Variants in NLGN4X observed in about 807,000 individuals in gnomAD.
NLGN4X encodes the protein neuroligin-4, X-linked.
NLGN4X carries 3 observed loss-of-function variants against 40.3 expected under a neutral mutation model. The observed-to-expected ratio is 0.07, with a 90% confidence interval of 0.03 to 0.19. NLGN4X has a LOEUF of 0.19. Ranked by LOEUF, NLGN4X falls within the 10% of genes least tolerant of loss-of-function variation. The pLI is 1.00. For synonymous variants in NLGN4X, 270 were observed against 306.8 expected (o/e 0.88, Z 1.25); for missense variants, 382 against 708.3 (o/e 0.54, Z 5.23).
At chrX:6,141,139 T>G (rs1018350395) in intron 2 of NLGN4X, among the ~76,000 whole-genome samples, 35 of 111,524 alleles carry the variant, frequency 3.1e-4, no homozygotes, top group African/African-American at 1.0e-3. Flanking sequence ...AGCTCACAAC[T>G]TCTCGATTTC....
chrX:6,140,556 A>G (rs768071336), intron 2 of NLGN4X, among the ~76,000 whole-genome samples: 4 of 109,602 alleles, frequency 3.6e-5, no homozygotes, highest in Non-Finnish European at 7.6e-5. Context: ...CAGATACGTA[A>G]AGTCTAACAA....
chrX:6,204,683 A>T (rs1411934051), intron 1 of NLGN4X, among the ~76,000 whole-genome samples: 1 of 111,419 alleles, frequency 9.0e-6, no homozygotes, highest in Non-Finnish European at 1.9e-5. Context: ...CAACTGGGGA[A>T]TTATGGGTCC....
chrX:6,086,562 T>C (rs145131000), intron 2 of NLGN4X, among the ~76,000 whole-genome samples: 250 of 112,108 alleles, frequency 2.2e-3, no homozygotes, highest in African/African-American at 7.4e-3. Context: ...TCCATCAATC[T>C]TTCTCCCCAG....
At chrX:6,021,047 TCCCTCCCTCCCTCC>T (rs2036529362) in intron 3 of NLGN4X, among the ~76,000 whole-genome samples, 2 of 24,191 alleles carry the variant, frequency 8.3e-5, no homozygotes, top group Non-Finnish European at 1.3e-4. Context: ...TCTCTCTCTC[TCCCTCCCTCCCTCC>T]CTCCCTCCCT....
At chrX:6,123,717 G>GGAAAA (rs200717890) in intron 2 of NLGN4X, among the ~76,000 whole-genome samples, 13,275 of 107,233 alleles carry the variant, frequency 0.12, 935 homozygotes, top group African/African-American at 0.26. Flanking sequence ...GCATAAAATG[G>GGAAAA]GAAGAGGGAA....
At position 6,206,191 on chromosome X, in the gene NLGN4X, G is replaced by A. The variant is rs1311818045; in HGVS notation, c.-306+22350C>T. On this transcript the variant is annotated intron_variant, in intron 1 of 5. Transcript: ENST00000381095. ...GTGGAGTCTCTAAAATCCTCATGACGATGTGAAAGTGATTCTGGAAGACAA... is the reference window on the plus strand; with the variant it reads ...GTGGAGTCTCTAAAATCCTCATGACAATGTGAAAGTGATTCTGGAAGACAA... Among the ~76,000 whole-genome samples, 4 of 111,339 alleles carry A rather than the reference G, an allele frequency of 3.6e-5. No homozygotes were observed. The East Asian group carries it at 1.1e-3, about 32-fold the overall frequency.
intron 3 of NLGN4X, among the ~76,000 whole-genome samples, chrX:5,943,054 GA>G (rs1345543371): frequency 5.4e-5 from 6 of 111,648 alleles, no homozygotes; most frequent in Admixed American, 3.8e-4. Flanking sequence ...CCATGATACT[GA>G]GAAGCAGGAA....
At chrX:5,938,310 G>C (rs1176247785) in intron 3 of NLGN4X, among the ~76,000 whole-genome samples, 1 of 110,973 alleles carries the variant, frequency 9.0e-6, no homozygotes, top group Non-Finnish European at 1.9e-5. Flanking sequence ...TTATGATCAA[G>C]GGATTATATT....
intron 2 of NLGN4X, among the ~76,000 whole-genome samples, chrX:6,135,853 G>C (rs2039806346): frequency 9.0e-6 from 1 of 111,635 alleles, no homozygotes; most frequent in African/African-American, 3.2e-5. Context: ...TTAGACCTGA[G>C]GACACCATTT....
At chrX:5,973,258 C>T (rs921972157) in intron 3 of NLGN4X, among the ~76,000 whole-genome samples, 8 of 112,455 alleles carry the variant, frequency 7.1e-5, no homozygotes, top group African/African-American at 1.9e-4. Context: ...AAGAGAGCCA[C>T]ACCACTCATG....
chrX:5,914,952 T>A (rs1275868641), intron 3 of NLGN4X, among the ~76,000 whole-genome samples: 1 of 112,494 alleles, frequency 8.9e-6, no homozygotes, highest in East Asian at 2.8e-4. Context: ...ACTGAAAACA[T>A]GTAGGATTTA....
At chrX:6,038,444 A>G (rs1169989280) in intron 2 of NLGN4X, among the ~76,000 whole-genome samples, 4 of 112,698 alleles carry the variant, frequency 3.5e-5, no homozygotes, top group Non-Finnish European at 7.5e-5. Flanking sequence ...AATATATTTG[A>G]GCCTCCACTT....
chrX:5,968,689 T>A (rs2034919089), intron 3 of NLGN4X, among the ~76,000 whole-genome samples: 1 of 107,898 alleles, frequency 9.3e-6, no homozygotes, highest in Non-Finnish European at 1.9e-5. Context: ...ATGACATAGT[T>A]TTTCTGGACC....
chrX:5,960,418 A>AT (rs1473110582), intron 3 of NLGN4X, among the ~76,000 whole-genome samples: 1 of 111,613 alleles, frequency 9.0e-6, no homozygotes, highest in East Asian at 2.8e-4. Context: ...ACATTTCCTT[A>AT]TTTTTAAAAC....
intron 2 of NLGN4X, among the ~76,000 whole-genome samples, chrX:6,122,196 T>C (rs1158361409): frequency 8.9e-6 from 1 of 111,832 alleles, no homozygotes; most frequent in Non-Finnish European, 1.9e-5. Context: ...TTCCCTCCAA[T>C]TTACCCAGAG....
chrX:6,159,808 T>C (rs912392244), intron 1 of NLGN4X, among the ~76,000 whole-genome samples: 2 of 112,314 alleles, frequency 1.8e-5, no homozygotes, highest in African/African-American at 6.5e-5. Context: ...AGGAGCCCAG[T>C]GGGAACAGAA....
At chrX:5,924,436 A>T (rs975309051) in intron 3 of NLGN4X, among the ~76,000 whole-genome samples, 2 of 111,946 alleles carry the variant, frequency 1.8e-5, no homozygotes, top group African/African-American at 6.5e-5. Flanking sequence ...TCTTTATGCA[A>T]AATGCCTTAC....
At chrX:6,048,762 CAT>C (rs772262395) in intron 2 of NLGN4X, among the ~76,000 whole-genome samples, 98 of 107,888 alleles carry the variant, frequency 9.1e-4, no homozygotes, top group Middle Eastern at 4.7e-3. Context: ...CCAAACACCA[CAT>C]GTTCTCACGT....
rs2146675389 is a variant in NLGN4X, at chrX:5,891,312, A to G, written c.*1505T>C. 4.3e-6 allele frequency: 1 copy of G among 233,823 alleles called. No homozygotes were observed. Among genetic ancestry groups the G allele is most frequent in the Non-Finnish European group, 7.7e-6 (1 of 129,306 alleles). 19.3% of individuals were successfully genotyped at this position (233,823 alleles called of 1,213,427 possible). On this transcript the variant is annotated 3_prime_UTR_variant, in exon 6 of 6. Transcript: ENST00000381095. ...TTAATATTCTATCCTTTCTTCCCCC[A>G]TTCTTCTATAATATTCACCGTTTGG... is the stretch of plus-strand genomic sequence containing the variant.
Sources: gnomAD v4.1 joint callset for allele counts (sites outside exome capture counted in the v4.1 genomes callset) on GRCh38, gnomAD v4.1.1 for gene constraint, MANE v1.5 for transcripts, NCBI Gene and HGNC (gene_info 2026-07-23, HGNC 2026-07-21) for gene names.